Variants in HRH1 observed in about 807,000 individuals in gnomAD.
HRH1 encodes the protein histamine H1 receptor.
HRH1 carries 6 observed loss-of-function variants against 10.3 expected under a neutral mutation model. The observed-to-expected ratio is 0.58, with a 90% CI of 0.32 to 1.15. The LOEUF (loss-of-function observed/expected upper bound fraction) is 1.15. Among genes scored for constraint, HRH1 ranks in the 50% most tolerant of loss-of-function variants. The pLI is 0.05. For synonymous variants in HRH1, 242 were observed against 236.7 expected (o/e 1.02, Z -0.21); for missense variants, 514 against 615.3 (o/e 0.84, Z 1.74).
At chr3:11,219,517 G>T (rs1938626402) in intron 1 of HRH1, among the ~76,000 whole-genome samples, 1 of 151,820 alleles carries the variant, frequency 6.6e-6, no homozygotes, top group Non-Finnish European at 1.5e-5. Context: ...TTCAAAACCA[G>T]CCTGGCCAAC....
intron 1 of HRH1, among the ~76,000 whole-genome samples, chr3:11,139,765 G>A (rs538039252): frequency 6.6e-6 from 1 of 152,272 alleles, no homozygotes; most frequent in South Asian, 2.1e-4. Context: ...AGTCACAGAA[G>A]ACAGCAAATT....
intron 1 of HRH1, among the ~76,000 whole-genome samples, chr3:11,171,714 T>C (rs1284412832): frequency 2.0e-5 from 3 of 152,216 alleles, no homozygotes; most frequent in Non-Finnish European, 4.4e-5. Context: ...CCATGTGTCA[T>C]TGGTCTTAGA....
intron 1 of HRH1, among the ~76,000 whole-genome samples, chr3:11,219,813 C>A (rs532536536): frequency 3.3e-5 from 5 of 151,832 alleles, no homozygotes; most frequent in African/African-American, 1.2e-4. Flanking sequence ...ATTCAGTCTA[C>A]CCTGAATTCC....
At chr3:11,228,205 A>C (rs1938946421) in intron 1 of HRH1, among the ~76,000 whole-genome samples, 1 of 152,272 alleles carries the variant, frequency 6.6e-6, no homozygotes, top group South Asian at 2.1e-4. Flanking sequence ...TATTGGTTGC[A>C]TTGGAACCAT....
chr3:11,155,303 G>C (rs1009311811), intron 1 of HRH1, among the ~76,000 whole-genome samples: 1 of 152,142 alleles, frequency 6.6e-6, no homozygotes, highest in Non-Finnish European at 1.5e-5. Flanking sequence ...TGGATATTAT[G>C]GCCAGGGAGT....
intron 1 of HRH1, among the ~76,000 whole-genome samples, chr3:11,138,285 G>A (rs1450655701): frequency 6.6e-6 from 1 of 150,418 alleles, no homozygotes; most frequent in Non-Finnish European, 1.5e-5. Flanking sequence ...GCCTCCCAAA[G>A]TGCTAGGATT....
At chr3:11,149,546 C>A (rs1936552506), upstream of HRH1, among the ~76,000 whole-genome samples, 2 of 152,296 alleles carry the variant, frequency 1.3e-5, no homozygotes, top group Middle Eastern at 3.4e-3. Context: ...GGATCAAGAT[C>A]TCAGGGTGAA....
intron 1 of HRH1, among the ~76,000 whole-genome samples, chr3:11,243,935 C>T (rs1021182934): frequency 1.4e-4 from 21 of 152,300 alleles, no homozygotes; most frequent in African/African-American, 4.1e-4. Flanking sequence ...TGTATTTCTT[C>T]GCATGCTAAT....
chr3:11,191,031 C>T (rs1460583838), intron 1 of HRH1, among the ~76,000 whole-genome samples: 1 of 152,154 alleles, frequency 6.6e-6, no homozygotes, highest in Non-Finnish European at 1.5e-5. Context: ...CCCCTTTCAT[C>T]CCTTTTTCAG....
intron 1 of HRH1, among the ~76,000 whole-genome samples, chr3:11,162,337 C>T (rs2125008904): frequency 6.6e-6 from 1 of 152,016 alleles, no homozygotes; most frequent in Non-Finnish European, 1.5e-5. Context: ...GGGCAAGAAG[C>T]ATTTTCCTCT....
chr3:11,192,775 T>C (rs1028284673), intron 1 of HRH1, among the ~76,000 whole-genome samples: 5 of 152,168 alleles, frequency 3.3e-5, no homozygotes, highest in African/African-American at 1.2e-4. Context: ...AGTATCATCA[T>C]CTAAGCAGAT....
At chr3:11,153,518 A>G (rs1574976618), upstream of HRH1, among the ~76,000 whole-genome samples, 1 of 98,546 alleles carries the variant, frequency 1.0e-5, no homozygotes, top group Non-Finnish European at 2.0e-5. Flanking sequence ...CCAACCCACC[A>G]TGTCCCACCT....
At chr3:11,178,881 C>G (rs1937296329) in intron 1 of HRH1, among the ~76,000 whole-genome samples, 1 of 152,204 alleles carries the variant, frequency 6.6e-6, no homozygotes, top group Non-Finnish European at 1.5e-5. Flanking sequence ...AGCTTTCTCC[C>G]TTGTAACTGT....
At chr3:11,156,482 C>T (rs146194536) in intron 1 of HRH1, among the ~76,000 whole-genome samples, 16 of 152,272 alleles carry the variant, frequency 1.1e-4, no homozygotes, top group African/African-American at 3.9e-4. Flanking sequence ...TTCCTCTTCA[C>T]AATGAAGGAG....
intron 1 of HRH1, among the ~76,000 whole-genome samples, chr3:11,199,309 T>C (rs1257418631): frequency 6.6e-6 from 1 of 152,142 alleles, no homozygotes; most frequent in Non-Finnish European, 1.5e-5. Context: ...TGAGCAACTC[T>C]CCTTAGAGTC....
At chr3:11,246,441 A>ATT (rs1939491967) in intron 1 of HRH1, among the ~76,000 whole-genome samples, 2 of 152,130 alleles carry the variant, frequency 1.3e-5, no homozygotes, top group Non-Finnish European at 2.9e-5. Context: ...ATGTCCCCAA[A>ATT]TATCTCCCAC....
At chr3:11,197,759 A>G (rs1937720496) in intron 1 of HRH1, among the ~76,000 whole-genome samples, 1 of 152,168 alleles carries the variant, frequency 6.6e-6, no homozygotes, top group Non-Finnish European at 1.5e-5. Flanking sequence ...ACATACATCC[A>G]TAAAACTAAT....
intron 1 of HRH1, among the ~76,000 whole-genome samples, chr3:11,177,499 C>T (rs1574990225): frequency 6.6e-6 from 1 of 152,258 alleles, no homozygotes; most frequent in South Asian, 2.1e-4. Flanking sequence ...GAATTATCCC[C>T]ATTTCCTCCA....
At chr3:11,254,659 C>G (rs1939738469) in intron 1 of HRH1, among the ~76,000 whole-genome samples, 1 of 152,224 alleles carries the variant, frequency 6.6e-6, no homozygotes, top group South Asian at 2.1e-4. Context: ...GGCTGCGTCT[C>G]CTCACGAGAA....
Sources: allele counts gnomAD v4.1 joint callset (sites outside exome capture counted in the v4.1 genomes callset), GRCh38; gene constraint gnomAD v4.1.1; transcripts MANE v1.5; gene names NCBI Gene and HGNC (gene_info 2026-07-23, HGNC 2026-07-21).